CNTN5: variants seen among roughly 807,000 people sequenced by gnomAD.
CNTN5 encodes contactin 5, also known as contactin-5.
Under a neutral mutation model 129.1 loss-of-function variants are expected in CNTN5, and 77 were observed. That is an observed-to-expected ratio of 0.60 (90% CI 0.50 to 0.72). CNTN5 has a LOEUF of 0.72. CNTN5 is among the 30% of genes least tolerant of loss of function. The probability of loss-of-function intolerance (pLI) is 0.00; values close to 1 mark genes in which losing one functional copy is unlikely to be tolerated. For missense variants in CNTN5, 1,478 were observed against 1,328.8 expected, an observed-to-expected ratio of 1.11 and a Z score of -1.75; for synonymous variants, 509 against 465.6, an observed-to-expected ratio of 1.09 and a Z score of -1.20.
chr11:99,596,610 A>G (rs1181525271), intron 3 of CNTN5, among the ~76,000 whole-genome samples: 6 of 152,188 alleles, frequency 3.9e-5, no homozygotes, highest in African/African-American at 7.2e-5. Flanking sequence ...AAGTAAAATT[A>G]ACATAGACTG....
At chr11:99,425,746 G>A (rs570871089) in intron 2 of CNTN5, among the ~76,000 whole-genome samples, 4 of 152,334 alleles carry the variant, frequency 2.6e-5, no homozygotes, top group African/African-American at 7.2e-5. Context: ...CCATGGCTGG[G>A]TGGCTGCAAC....
At chr11:100,059,370 T>G (rs1943369214) in intron 9 of CNTN5, among the ~76,000 whole-genome samples, 1 of 152,096 alleles carries the variant, frequency 6.6e-6, no homozygotes, top group African/African-American at 2.4e-5. Flanking sequence ...GGAAGGAAAC[T>G]ATAGACGTGT....
chr11:100,109,783 G>T (rs1308468511), intron 13 of CNTN5, among the ~76,000 whole-genome samples: 1 of 152,012 alleles, frequency 6.6e-6, no homozygotes, highest in African/African-American at 2.4e-5. Context: ...ATCAATATCG[G>T]CTTTATTCAC....
chr11:100,291,036 T>C (rs1224891453), intron 18 of CNTN5, among the ~76,000 whole-genome samples: 1 of 148,338 alleles, frequency 6.7e-6, no homozygotes, highest in Non-Finnish European at 1.5e-5. Flanking sequence ...ATCAGAGAAA[T>C]GCAAATCAAA....
chr11:99,924,236 G>C (rs1950008960), intron 7 of CNTN5, among the ~76,000 whole-genome samples: 1 of 152,086 alleles, frequency 6.6e-6, no homozygotes, highest in Admixed American at 6.6e-5. Flanking sequence ...GTTTTCTTTT[G>C]AGAAGTGTCT....
intron 10 of CNTN5, among the ~76,000 whole-genome samples, chr11:100,064,262 A>G (rs766193993): frequency 5.9e-5 from 9 of 152,164 alleles, no homozygotes; most frequent in Non-Finnish European, 8.8e-5. Flanking sequence ...ATGCTTAGCT[A>G]TTAGTTTCAA....
chr11:100,157,369 T>C (rs911239659), intron 13 of CNTN5, among the ~76,000 whole-genome samples: 2 of 151,908 alleles, frequency 1.3e-5, no homozygotes, highest in African/African-American at 2.4e-5. Flanking sequence ...ATATTTAATA[T>C]AGAATTTTGA....
chr11:99,779,990 A>T (rs184530480), intron 3 of CNTN5, among the ~76,000 whole-genome samples: 1 of 152,060 alleles, frequency 6.6e-6, no homozygotes, highest in East Asian at 2.0e-4. Context: ...AATTGTCCAT[A>T]GTTTCTTGAT....
At chr11:99,447,512 C>G (rs544690188) in intron 2 of CNTN5, among the ~76,000 whole-genome samples, 1 of 152,294 alleles carries the variant, frequency 6.6e-6, no homozygotes, top group African/African-American at 2.4e-5. Context: ...AGCCATACAA[C>G]TTAATGAAGT....
At chr11:99,883,748 A>T (rs1167109935) in intron 6 of CNTN5, among the ~76,000 whole-genome samples, 2 of 152,158 alleles carry the variant, frequency 1.3e-5, no homozygotes, top group African/African-American at 4.8e-5. Context: ...ACTATCTTCT[A>T]TCTGTTGAAT....
At chr11:99,785,250 AT>A (rs1003325411) in intron 3 of CNTN5, among the ~76,000 whole-genome samples, 1 of 151,158 alleles carries the variant, frequency 6.6e-6, no homozygotes, top group Non-Finnish European at 1.5e-5. Context: ...TTTTGATGGG[AT>A]TTTTTTTCTT....
At chr11:99,661,247 G>C (rs1490632068) in intron 3 of CNTN5, among the ~76,000 whole-genome samples, 1 of 152,112 alleles carries the variant, frequency 6.6e-6, no homozygotes, top group Admixed American at 6.6e-5. Context: ...CTACAGCACA[G>C]AAAATTCTCC....
At chr11:99,987,801 CTTTTA>C (rs1298664666) in intron 8 of CNTN5, among the ~76,000 whole-genome samples, 1 of 151,992 alleles carries the variant, frequency 6.6e-6, no homozygotes, top group African/African-American at 2.4e-5. Context: ...AACTCCTTGC[CTTTTA>C]TTTAATAGCT....
intron 16 of CNTN5, among the ~76,000 whole-genome samples, chr11:100,237,884 T>C (rs1949654935): frequency 1.3e-5 from 2 of 152,178 alleles, no homozygotes; most frequent in South Asian, 4.1e-4. Flanking sequence ...AGTATATCAG[T>C]AAATTTACCT....
At chr11:99,849,035 G>A (rs1947790339) in intron 6 of CNTN5, among the ~76,000 whole-genome samples, 1 of 151,854 alleles carries the variant, frequency 6.6e-6, no homozygotes, top group African/African-American at 2.4e-5. Flanking sequence ...ATAACTTGTT[G>A]AACAGTGTTT....
intron 6 of CNTN5, among the ~76,000 whole-genome samples, chr11:99,894,423 T>G (rs1474064874): frequency 6.6e-6 from 1 of 151,220 alleles, no homozygotes; most frequent in Non-Finnish European, 1.5e-5. Flanking sequence ...TATAGGTTTT[T>G]TTTTCACAAG....
chr11:99,617,211 A>G (rs116874464), intron 3 of CNTN5, among the ~76,000 whole-genome samples: 6,245 of 152,332 alleles, frequency 0.041, 169 homozygotes, highest in South Asian at 0.088. Flanking sequence ...TATGCTAACT[A>G]GTCTAATTTC....
intron 3 of CNTN5, among the ~76,000 whole-genome samples, chr11:99,770,947 C>T (rs1944925175): frequency 6.6e-6 from 1 of 151,958 alleles, no homozygotes; most frequent in East Asian, 1.9e-4. Flanking sequence ...ATGGTACTGG[C>T]ATAAAAACTG....
At chr11:100,030,406 G>T (rs906055457) in intron 9 of CNTN5, among the ~76,000 whole-genome samples, 4 of 152,140 alleles carry the variant, frequency 2.6e-5, no homozygotes, top group Admixed American at 6.5e-5. Flanking sequence ...GACTGTAGTA[G>T]ACAGCAGAAG....
Sources: allele counts gnomAD v4.1 joint callset (sites outside exome capture counted in the v4.1 genomes callset), GRCh38; gene constraint gnomAD v4.1.1; transcripts MANE v1.5; gene names NCBI Gene and HGNC (gene_info 2026-07-23, HGNC 2026-07-21).